The following TRDN variants were observed in gnomAD, a reference collection of about 807,000 sequenced individuals.
TRDN encodes triadin.
TRDN carries 161 observed loss-of-function variants against 149.7 expected under a neutral mutation model. The ratio of observed to expected loss-of-function variants is 1.08; its 90% confidence interval spans 0.95 to 1.23. The LOEUF (loss-of-function observed/expected upper bound fraction) is 1.23. Ranked by LOEUF, TRDN falls within the 50% of genes most tolerant of loss-of-function variation. The pLI is 0.00. For synonymous variants in TRDN, 294 were observed against 250.5 expected (o/e 1.17, Z -1.64); for missense variants, 896 against 823.5 (o/e 1.09, Z -1.08).
chr6:123,343,579 T>C (rs537967568), intron 21 of TRDN, among the ~76,000 whole-genome samples: 92 of 152,090 alleles, frequency 6.0e-4, no homozygotes, highest in Middle Eastern at 6.8e-3. Context: ...ACTCATGGTA[T>C]AAAATTTCAA....
chr6:123,478,431 A>G (rs1053733718), intron 9 of TRDN, among the ~76,000 whole-genome samples: 4 of 152,322 alleles, frequency 2.6e-5, no homozygotes, highest in Non-Finnish European at 4.4e-5. Context: ...CAGAATTACT[A>G]AGTCTTCATT....
Position 123,618,488 on chromosome 6 carries a change from C to T in TRDN, c.22+18266G>A, listed in dbSNP as rs115019984. ...ATAATTCAGGGTCCTCTCTCCCGCT[C>T]GAGGTTCTTAATAAAACCACATCTG... On this transcript the variant is annotated intron_variant, in intron 1 of 40. Transcript: ENST00000334268. Among the ~76,000 whole-genome samples the T allele has an allele frequency of 9.8e-3, 1,490 of 152,206 alleles. 25 individuals carry two copies. Among genetic ancestry groups the T allele is most frequent in the African/African-American group, 0.034 (1,402 of 41,526 alleles).
chr6:123,276,766 G>A (rs890317032), intron 26 of TRDN, among the ~76,000 whole-genome samples: 1 of 152,120 alleles, frequency 6.6e-6, no homozygotes, highest in Non-Finnish European at 1.5e-5. Context: ...TCAGGTTTTC[G>A]AGAATTTTAA....
chr6:123,434,465 AC>A (rs1334311489), intron 12 of TRDN, among the ~76,000 whole-genome samples: 1 of 152,152 alleles, frequency 6.6e-6, no homozygotes. Flanking sequence ...TTGTGAGAAG[AC>A]AGTGCTGGTG....
At chr6:123,426,451 T>C (rs571246394) in intron 12 of TRDN, among the ~76,000 whole-genome samples, 2 of 152,252 alleles carry the variant, frequency 1.3e-5, no homozygotes, top group African/African-American at 4.8e-5. Context: ...ATGTGTGGAA[T>C]AGTGGAGCAA....
At chr6:123,289,839 C>G (rs1278822462) in intron 24 of TRDN, among the ~76,000 whole-genome samples, 1 of 152,052 alleles carries the variant, frequency 6.6e-6, no homozygotes, top group Non-Finnish European at 1.5e-5. Flanking sequence ...AACTTGGGGG[C>G]CCCAGAGCCA....
intron 14 of TRDN, 35 bp from the exon 15 acceptor site, chr6:123,382,182 A>G: frequency 1.4e-6 from 2 of 1,426,406 alleles, no homozygotes; most frequent in South Asian, 1.4e-5. Flanking sequence ...AATAAAACAG[A>G]TACAATAAAT....
At chr6:123,597,576 A>G (rs1199329577) in intron 1 of TRDN, among the ~76,000 whole-genome samples, 1 of 152,204 alleles carries the variant, frequency 6.6e-6, no homozygotes, top group African/African-American at 2.4e-5. Flanking sequence ...GTCAGAGTCC[A>G]TCGATGCAGC....
chr6:123,554,969 T>G (rs1293484734), intron 2 of TRDN, among the ~76,000 whole-genome samples: 1 of 152,160 alleles, frequency 6.6e-6, no homozygotes, highest in East Asian at 1.9e-4. Context: ...CTAAGCAGAA[T>G]CCATTGGAAA....
chr6:123,369,463 G>A lies in TRDN; in HGVS notation c.1274-3281C>T, dbSNP rs914932090. On this transcript the variant is annotated intron_variant, in intron 19 of 40. Coordinates refer to ENST00000334268, the MANE Select transcript of TRDN (RefSeq NM_006073.4). Reference sequence around the variant, plus strand: ...GCCTACCACCTGAGCAGTCATCGAAGCTGAAGGAAGACCCCCACCCTGCAG... The same window carrying A: ...GCCTACCACCTGAGCAGTCATCGAAACTGAAGGAAGACCCCCACCCTGCAG... 6.6e-5 allele frequency among the ~76,000 whole-genome samples: 10 copies of A among 152,226 alleles called. No homozygotes were observed. The South Asian group carries it at 1.0e-3, about 16-fold the overall frequency.
intron 9 of TRDN, among the ~76,000 whole-genome samples, chr6:123,493,222 A>G (rs1778298068): frequency 6.6e-6 from 1 of 152,154 alleles, no homozygotes; most frequent in African/African-American, 2.4e-5. Context: ...TCAACTTAAT[A>G]TAGAGTAAGT....
intron 2 of TRDN, among the ~76,000 whole-genome samples, chr6:123,548,830 T>C (rs1781248383): frequency 6.6e-6 from 1 of 152,002 alleles, no homozygotes; most frequent in South Asian, 2.1e-4. Context: ...TTGGGAAGTT[T>C]ATAATCCAAA....
chr6:123,320,808 A>T (rs1367673), intron 23 of TRDN, among the ~76,000 whole-genome samples: 27,392 of 151,966 alleles, frequency 0.18, 3,474 homozygotes, highest in East Asian at 0.63. Context: ...TAACATATAC[A>T]GTATAATCAC....
chr6:123,614,993 G>A (rs1250082705), intron 1 of TRDN, among the ~76,000 whole-genome samples: 3 of 151,948 alleles, frequency 2.0e-5, no homozygotes, highest in African/African-American at 4.8e-5. Context: ...CCTGGCAAAT[G>A]AACTGAATAG....
intron 1 of TRDN, among the ~76,000 whole-genome samples, chr6:123,636,329 TTTTAAG>T (rs1211770296): frequency 6.6e-6 from 1 of 152,004 alleles, no homozygotes; most frequent in Non-Finnish European, 1.5e-5. Flanking sequence ...TCAAATTACT[TTTTAAG>T]TTTAAGTAAG....
chr6:123,481,651 T>C (rs1476612193), intron 9 of TRDN, among the ~76,000 whole-genome samples: 2 of 152,058 alleles, frequency 1.3e-5, no homozygotes, highest in Admixed American at 6.6e-5. Context: ...GACATACCAT[T>C]AGCACTCAGT....
chr6:123,453,926 T>C (rs1206878439), intron 10 of TRDN, among the ~76,000 whole-genome samples: 1 of 151,980 alleles, frequency 6.6e-6, no homozygotes, highest in Non-Finnish European at 1.5e-5. Flanking sequence ...TGTATATATA[T>C]ACATGATGGA....
intron 4 of TRDN, among the ~76,000 whole-genome samples, chr6:123,532,730 A>G (rs73536730): frequency 0.13 from 18,373 of 146,536 alleles, 1,381 homozygotes; most frequent in Non-Finnish European, 0.17. Context: ...ATTGAATTCA[A>G]TAAGATATAT....
rs78179602 is a variant in TRDN, at chr6:123,387,755, G to T, written c.1135+767C>A. 3.0e-3 allele frequency among the ~76,000 whole-genome samples: 450 copies of T among 152,128 alleles called. 12 individuals are homozygous for T. The East Asian group carries it at 0.074, about 25-fold the overall frequency. On this transcript the variant is annotated intron_variant, in intron 14 of 40. Transcript: ENST00000334268. Reference sequence around the variant, plus strand: ...ATGGCAATGTGAGATCACAAATAAAGAACTGGATCCTGTGAATGATGATTA... The same window carrying T: ...ATGGCAATGTGAGATCACAAATAAATAACTGGATCCTGTGAATGATGATTA...
Sources: gnomAD v4.1 joint callset for allele counts (sites outside exome capture counted in the v4.1 genomes callset) on GRCh38, gnomAD v4.1.1 for gene constraint, MANE v1.5 for transcripts, NCBI Gene and HGNC (gene_info 2026-07-23, HGNC 2026-07-21) for gene names.